JAZF1: variants seen among roughly 807,000 people sequenced by gnomAD.
JAZF1 encodes the protein JAZF zinc finger 1.
In JAZF1, 8 loss-of-function variants were observed where a neutral mutation model predicts 26.4. The ratio of observed to expected loss-of-function variants is 0.30; its 90% CI spans 0.18 to 0.55. JAZF1 has a LOEUF of 0.55. Among genes scored for constraint, JAZF1 ranks in the 20% least tolerant of loss-of-function variants. JAZF1 has a pLI of 0.94. For missense variants in JAZF1, 199 were observed against 322.0 expected, an observed-to-expected ratio of 0.62 and a Z score of 2.92; for synonymous variants, 126 against 122.3, an observed-to-expected ratio of 1.03 and a Z score of -0.20.
chr7:28,001,355 A>ACAAAACAAAACAAAAC, intron 1 of JAZF1, among the ~76,000 whole-genome samples: 1 of 152,154 alleles, frequency 6.6e-6, no homozygotes, highest in East Asian at 1.9e-4. Context: ...CTGTCTCAAA[A>ACAAAACAAAACAAAAC]AAAACAAAAC....
At chr7:28,083,759 C>T (rs989117426) in intron 1 of JAZF1, among the ~76,000 whole-genome samples, 4 of 151,824 alleles carry the variant, frequency 2.6e-5, no homozygotes, top group Non-Finnish European at 4.4e-5. Flanking sequence ...AAGCCTTGTC[C>T]GCTGACCCAG....
At chr7:28,147,205 CCCT>C (rs1231065400) in intron 1 of JAZF1, among the ~76,000 whole-genome samples, 1 of 151,950 alleles carries the variant, frequency 6.6e-6, no homozygotes, top group Non-Finnish European at 1.5e-5. Flanking sequence ...GGTTGAGCAT[CCCT>C]AATCTGAAAA....
chr7:28,175,181 G>T (rs1783530444), intron 1 of JAZF1, among the ~76,000 whole-genome samples: 1 of 152,128 alleles, frequency 6.6e-6, no homozygotes. Context: ...CCTCTGCCAG[G>T]GTGTAAAGTG....
At chr7:27,984,647 T>G (rs561508566) in intron 2 of JAZF1, among the ~76,000 whole-genome samples, 19 of 152,326 alleles carry the variant, frequency 1.2e-4, no homozygotes, top group African/African-American at 3.8e-4. Context: ...CAGCAGAACA[T>G]ACATTCTTCT....
chr7:28,094,554 C>T (rs1784352886), intron 1 of JAZF1, among the ~76,000 whole-genome samples: 1 of 152,138 alleles, frequency 6.6e-6, no homozygotes, highest in South Asian at 2.1e-4. Context: ...TTAATAACTT[C>T]TGTCTCCAAA....
chr7:28,120,138 A>G (rs1216481953), intron 1 of JAZF1, among the ~76,000 whole-genome samples: 1 of 151,220 alleles, frequency 6.6e-6, no homozygotes, highest in African/African-American at 2.4e-5. Flanking sequence ...CACTTATCTT[A>G]TCTTGTAAAA....
intron 3 of JAZF1, among the ~76,000 whole-genome samples, chr7:27,854,231 T>C (rs1783203404): frequency 6.6e-6 from 1 of 152,238 alleles, no homozygotes; most frequent in Non-Finnish European, 1.5e-5. Context: ...TGGTAAATAT[T>C]CTTCCATCCC....
chr7:28,009,769 C>T (rs1782769081), intron 1 of JAZF1, among the ~76,000 whole-genome samples: 1 of 152,194 alleles, frequency 6.6e-6, no homozygotes, highest in Non-Finnish European at 1.5e-5. Flanking sequence ...AGGCGTGAGC[C>T]ACCACACCCA....
intron 1 of JAZF1, among the ~76,000 whole-genome samples, chr7:28,043,098 T>C (rs1198246589): frequency 1.3e-5 from 2 of 152,186 alleles, no homozygotes; most frequent in South Asian, 2.1e-4. Flanking sequence ...CTAGGGAGTA[T>C]ATGGGAATAC....
At chr7:27,890,363 C>T (rs1201273170) in intron 3 of JAZF1, among the ~76,000 whole-genome samples, 2 of 152,200 alleles carry the variant, frequency 1.3e-5, no homozygotes, top group Non-Finnish European at 2.9e-5. Flanking sequence ...TTAAGTCCTT[C>T]TGTTATGACA....
chr7:28,153,284 C>T (rs1369611186), intron 1 of JAZF1, among the ~76,000 whole-genome samples: 1 of 151,830 alleles, frequency 6.6e-6, no homozygotes, highest in African/African-American at 2.4e-5. Flanking sequence ...AAGCATCAGG[C>T]TCTTTGCGAA....
chr7:27,905,230 C>T (rs1018551714), intron 2 of JAZF1, among the ~76,000 whole-genome samples: 9 of 152,126 alleles, frequency 5.9e-5, no homozygotes, highest in African/African-American at 2.2e-4. Flanking sequence ...TCCCAAAGTG[C>T]TAGGATTACA....
rs1348158893 is a variant in JAZF1, at chr7:28,180,664, G to A, written c.-87C>T. On this transcript the variant is annotated 5_prime_UTR_variant, in exon 1 of 5. Coordinates refer to ENST00000283928, the MANE Select transcript of JAZF1 (RefSeq NM_175061.4). ...AGGGAGGCCGGGTGGGGTGAGGAGA[G>A]GAGGGGCTGGGGGAGGGGGAGAGAG... 1.4e-4 allele frequency: 115 copies of A among 805,604 alleles called. No individual in the cohort carries two copies. Among genetic ancestry groups the A allele is most frequent in the Non-Finnish European group, 2.1e-4 (107 of 498,474 alleles). 49.9% of individuals were successfully genotyped at this position (805,604 alleles called of 1,614,324 possible).
chr7:28,032,860 C>T (rs917506616), intron 1 of JAZF1, among the ~76,000 whole-genome samples: 42 of 152,034 alleles, frequency 2.8e-4, no homozygotes, highest in Non-Finnish European at 5.4e-4. Context: ...TAACCTGTGC[C>T]GCATCCACAT....
intron 4 of JAZF1, among the ~76,000 whole-genome samples, chr7:27,835,377 G>C (rs1214854536): frequency 6.6e-6 from 1 of 152,196 alleles, no homozygotes; most frequent in East Asian, 1.9e-4. Context: ...TTCACCAAGA[G>C]AAGGACAAGC....
intron 1 of JAZF1, among the ~76,000 whole-genome samples, chr7:28,153,911 C>G (rs1356903207): frequency 1.3e-5 from 2 of 152,134 alleles, no homozygotes; most frequent in African/African-American, 2.4e-5. Context: ...TGCCCTCCAC[C>G]TACCTGCCCC....
chr7:27,923,156 G>A (rs547915524), intron 2 of JAZF1, among the ~76,000 whole-genome samples: 42 of 152,248 alleles, frequency 2.8e-4, no homozygotes, highest in South Asian at 8.3e-4. Context: ...TAGCATAACT[G>A]ACTGCTGCTT....
chr7:28,138,849 T>G (rs1012130821), intron 1 of JAZF1, among the ~76,000 whole-genome samples: 1 of 152,224 alleles, frequency 6.6e-6, no homozygotes, highest in African/African-American at 2.4e-5. Context: ...TCAGTTTACA[T>G]ATTTATAAAA....
chr7:27,983,721 C>T (rs537000452), intron 2 of JAZF1, among the ~76,000 whole-genome samples: 6 of 152,180 alleles, frequency 3.9e-5, no homozygotes, highest in African/African-American at 9.6e-5. Context: ...TTACCCACAA[C>T]GGGAAGCCCA....
Sources: gnomAD v4.1 joint callset for allele counts (sites outside exome capture counted in the v4.1 genomes callset) on GRCh38, gnomAD v4.1.1 for gene constraint, MANE v1.5 for transcripts, NCBI Gene and HGNC (gene_info 2026-07-23, HGNC 2026-07-21) for gene names.